The following DLG1 variants were observed in gnomAD, a reference collection of about 807,000 sequenced individuals.
The protein encoded by DLG1 is discs large MAGUK scaffold protein 1.
In DLG1, 42 loss-of-function variants were observed where a neutral mutation model predicts 123.4. That is an observed-to-expected ratio of 0.34 (90% CI 0.27 to 0.44). The LOEUF (loss-of-function observed/expected upper bound fraction) is 0.44. DLG1 is among the 20% of genes least tolerant of loss of function. DLG1 has a pLI of 1.00. For synonymous variants in DLG1, 317 were observed against 356.2 expected (o/e 0.89, Z 1.24); for missense variants, 942 against 1,082.6 (o/e 0.87, Z 1.82).
At chr3:197,157,706 T>G (rs549383700) in intron 5 of DLG1, among the ~76,000 whole-genome samples, 2 of 152,046 alleles carry the variant, frequency 1.3e-5, no homozygotes, top group African/African-American at 4.8e-5. Context: ...AAAAGTCACA[T>G]AGAATTTCAC....
chr3:197,226,501 A>G (rs1740023802), intron 4 of DLG1: 1 of 152,294 alleles, frequency 6.6e-6, no homozygotes, highest in Admixed American at 6.5e-5. Flanking sequence ...TTACTACACC[A>G]CTAAACACTG....
intron 20 of DLG1, among the ~76,000 whole-genome samples, chr3:197,066,465 C>G (rs191876750): frequency 6.6e-6 from 1 of 152,104 alleles, no homozygotes; most frequent in African/African-American, 2.4e-5. Flanking sequence ...AACAAGAACA[C>G]TGGAACAAAG....
intron 8 of DLG1, among the ~76,000 whole-genome samples, chr3:197,139,768 A>G (rs1787055422): frequency 6.6e-6 from 1 of 150,502 alleles, no homozygotes; most frequent in African/African-American, 2.4e-5. Flanking sequence ...ATATTCTGTG[A>G]GTGTACTTAA....
At chr3:197,160,975 T>A (rs1420261695) in intron 5 of DLG1, among the ~76,000 whole-genome samples, 1 of 152,202 alleles carries the variant, frequency 6.6e-6, no homozygotes, top group Non-Finnish European at 1.5e-5. Flanking sequence ...GGAAGGGCAG[T>A]TAATGTCTCA....
chr3:197,075,324 A>T (rs1370208157), intron 18 of DLG1, among the ~76,000 whole-genome samples: 3 of 135,022 alleles, frequency 2.2e-5, no homozygotes, highest in Admixed American at 2.2e-4. Flanking sequence ...TCTCAAAAAA[A>T]AAAAAAAAAA....
intron 3 of DLG1, among the ~76,000 whole-genome samples, chr3:197,289,437 T>C (rs985751067): frequency 2.6e-5 from 4 of 152,226 alleles, no homozygotes; most frequent in Admixed American, 6.5e-5. Context: ...TATTTTCTTA[T>C]GGTATTTTAC....
At chr3:197,165,275 C>T (rs1390257986) in intron 5 of DLG1, among the ~76,000 whole-genome samples, 2 of 152,208 alleles carry the variant, frequency 1.3e-5, no homozygotes, top group Non-Finnish European at 2.9e-5. Context: ...AAGTGTCATT[C>T]TCTAGAAAAC....
intron 3 of DLG1, among the ~76,000 whole-genome samples, chr3:197,293,166 T>G (rs1004611179): frequency 2.4e-4 from 36 of 152,226 alleles, no homozygotes; most frequent in Non-Finnish European, 4.6e-4. Flanking sequence ...TAAGCAGACT[T>G]TATCTTCCTT....
At chr3:197,073,406 TGA>T (rs1002324650) in intron 18 of DLG1, among the ~76,000 whole-genome samples, 43 of 152,354 alleles carry the variant, frequency 2.8e-4, no homozygotes, top group African/African-American at 8.7e-4. Flanking sequence ...TATCTTTTAT[TGA>T]GTTATGTTTC....
intron 3 of DLG1, 70 bp downstream of exon 3, chr3:197,296,276 T>C (rs1579601303): frequency 1.1e-5 from 16 of 1,437,774 alleles, no homozygotes; most frequent in Non-Finnish European, 1.5e-5. Flanking sequence ...TTTTCTTAAG[T>C]TTAAAATAAA....
At chr3:197,191,199 T>C (rs3821714) in intron 5 of DLG1, among the ~76,000 whole-genome samples, 36,775 of 151,978 alleles carry the variant, frequency 0.24, 5,645 homozygotes, top group East Asian at 0.72. Flanking sequence ...TTTGAATTAA[T>C]TTAGAGACAT....
chr3:197,059,490 C>T (rs1467938531), intron 23 of DLG1, among the ~76,000 whole-genome samples: 1 of 152,174 alleles, frequency 6.6e-6, no homozygotes, highest in Non-Finnish European at 1.5e-5. Context: ...TATGGTTCTG[C>T]CTCACATTCT....
intron 14 of DLG1, among the ~76,000 whole-genome samples, chr3:197,102,977 A>C (rs971124378): frequency 2.0e-5 from 3 of 152,250 alleles, no homozygotes; most frequent in African/African-American, 7.2e-5. Context: ...TTTAAAACCC[A>C]AATACTGTCA....
At chr3:197,243,557 G>A (rs187014237) in intron 4 of DLG1, among the ~76,000 whole-genome samples, 22 of 152,182 alleles carry the variant, frequency 1.4e-4, no homozygotes, top group African/African-American at 4.6e-4. Flanking sequence ...TCAACTAATA[G>A]GGATGAAGGT....
chr3:197,059,162 T>C (rs1410862970), intron 23 of DLG1, among the ~76,000 whole-genome samples: 1 of 152,168 alleles, frequency 6.6e-6, no homozygotes, highest in Admixed American at 6.5e-5. Flanking sequence ...CCTGACCTCG[T>C]GATCTGCCCG....
At chr3:197,260,354 CA>C in intron 4 of DLG1, 1 of 373,968 alleles carries the variant, frequency 2.7e-6, no homozygotes, top group Non-Finnish European at 5.2e-6. Context: ...TTGAACAAAA[CA>C]TGTAAATAAA....
intron 10 of DLG1, among the ~76,000 whole-genome samples, chr3:197,135,097 G>A (rs1017722536): frequency 1.3e-4 from 20 of 152,268 alleles, no homozygotes; most frequent in African/African-American, 4.8e-4. Flanking sequence ...ATTGGCTCTC[G>A]TTCATTCTCT....
At chr3:197,236,814 G>A (rs1746220041) in intron 4 of DLG1, among the ~76,000 whole-genome samples, 1 of 152,206 alleles carries the variant, frequency 6.6e-6, no homozygotes, top group Non-Finnish European at 1.5e-5. Context: ...TACTTTAGCT[G>A]TTAACATTTG....
intron 14 of DLG1, among the ~76,000 whole-genome samples, chr3:197,098,800 G>A (rs1395187196): frequency 6.6e-6 from 1 of 152,190 alleles, no homozygotes; most frequent in Non-Finnish European, 1.5e-5. Context: ...CCAAAGTGCT[G>A]GGATTACAGG....
Sources: gnomAD v4.1 joint callset for allele counts (sites outside exome capture counted in the v4.1 genomes callset) on GRCh38, gnomAD v4.1.1 for gene constraint, MANE v1.5 for transcripts, NCBI Gene and HGNC (gene_info 2026-07-23, HGNC 2026-07-21) for gene names.